SORCS2: variants seen among roughly 807,000 people sequenced by gnomAD.
The protein encoded by SORCS2 is VPS10 domain-containing receptor SorCS2.
Under a neutral mutation model 141.6 loss-of-function variants are expected in SORCS2, and 100 were observed. That is an observed-to-expected ratio of 0.71 (90% CI 0.60 to 0.83). SORCS2 has a LOEUF of 0.83. SORCS2 is among the 40% of genes least tolerant of loss of function. SORCS2 has a pLI of 0.00. For missense variants in SORCS2, 1,646 were observed against 1,560.2 expected (o/e 1.05, Z -0.93); for synonymous variants, 789 against 676.9 (o/e 1.17, Z -2.57).
At chr4:7,369,752 G>A (rs552171027) in intron 1 of SORCS2, among the ~76,000 whole-genome samples, 3 of 152,238 alleles carry the variant, frequency 2.0e-5, no homozygotes, top group East Asian at 3.9e-4. Flanking sequence ...CTCCCTCCCC[G>A]TGGAGCAGAT....
chr4:7,731,716 G>C (rs1357157431), intron 23 of SORCS2, among the ~76,000 whole-genome samples: 1 of 152,186 alleles, frequency 6.6e-6, no homozygotes, highest in Non-Finnish European at 1.5e-5. Flanking sequence ...ATGGAGAAAA[G>C]AGAATATCTC....
intron 1 of SORCS2, among the ~76,000 whole-genome samples, chr4:7,245,155 T>C (rs577226753): frequency 7.2e-4 from 110 of 152,302 alleles, no homozygotes; most frequent in Non-Finnish European, 1.1e-3. Context: ...CCCTGGAAGC[T>C]GCAGGAGCCT....
chr4:7,465,859 A>G lies in SORCS2; in HGVS notation c.549-65671A>G, dbSNP rs370419981. ...GGCTAAGTGTTTACAGGAGTAAACC[A>G]TGATGACCCTGGGAGGTGGGTTCTC... On this transcript the variant is annotated intron_variant, in intron 2 of 26. Transcript: ENST00000507866. Among the ~76,000 whole-genome samples the G allele has an allele frequency of 1.4e-4, 21 of 152,318 alleles. No individual in the cohort carries two copies. The East Asian group carries it at 3.9e-3, about 28-fold the overall frequency.
intron 8 of SORCS2, among the ~76,000 whole-genome samples, chr4:7,673,634 G>A (rs1722921766): frequency 6.6e-6 from 1 of 152,090 alleles, no homozygotes; most frequent in African/African-American, 2.4e-5. Context: ...CTCTCTAGGG[G>A]GCACCAGTCA....
chr4:7,334,263 C>A (rs1290080582), intron 1 of SORCS2, among the ~76,000 whole-genome samples: 2 of 152,174 alleles, frequency 1.3e-5, no homozygotes, highest in African/African-American at 4.8e-5. Context: ...TGCTCTCAGC[C>A]CCTTCCCGCA....
intron 4 of SORCS2, among the ~76,000 whole-genome samples, chr4:7,641,189 A>C (rs1720705866): frequency 6.6e-6 from 1 of 152,142 alleles, no homozygotes; most frequent in Non-Finnish European, 1.5e-5. Context: ...CCATTGTCAC[A>C]CTGCTATTAA....
At chr4:7,331,020 G>A in intron 1 of SORCS2, among the ~76,000 whole-genome samples, 1 of 152,122 alleles carries the variant, frequency 6.6e-6, no homozygotes, top group South Asian at 2.1e-4. Flanking sequence ...TCCAGGGTGA[G>A]GGCTCCAGGC....
At chr4:7,540,060 TG>T (rs1309374874) in intron 3 of SORCS2, among the ~76,000 whole-genome samples, 1 of 120,962 alleles carries the variant, frequency 8.3e-6, no homozygotes, top group African/African-American at 3.3e-5. Context: ...CTGCCTGTCG[TG>T]GAGGCCCCGC....
At chr4:7,568,648 A>C (rs1311822002) in intron 3 of SORCS2, among the ~76,000 whole-genome samples, 1 of 152,194 alleles carries the variant, frequency 6.6e-6, no homozygotes, top group Non-Finnish European at 1.5e-5. Context: ...CCTGACTGGT[A>C]ATTGGTGCAG....
intron 1 of SORCS2, among the ~76,000 whole-genome samples, chr4:7,326,968 G>C (rs113877028): frequency 8.5e-5 from 13 of 152,176 alleles, no homozygotes; most frequent in African/African-American, 3.1e-4. Context: ...CTGGTCACCC[G>C]TGGCTGAGGG....
intron 2 of SORCS2, among the ~76,000 whole-genome samples, chr4:7,476,071 G>T (rs1377047411): frequency 1.3e-5 from 2 of 152,182 alleles, no homozygotes; most frequent in African/African-American, 4.8e-5. Flanking sequence ...CTATACCCAG[G>T]CGCTTCTCTC....
intron 1 of SORCS2, among the ~76,000 whole-genome samples, chr4:7,324,654 C>A (rs557624450): frequency 1.8e-3 from 274 of 152,254 alleles, no homozygotes; most frequent in African/African-American, 6.2e-3. Context: ...CCAGGCCAGG[C>A]GATGGGCTTT....
intron 8 of SORCS2, among the ~76,000 whole-genome samples, chr4:7,669,962 A>T (rs1299766477): frequency 6.6e-6 from 1 of 152,236 alleles, no homozygotes; most frequent in African/African-American, 2.4e-5. Context: ...TTGCTTGGAC[A>T]TTTGGGTTGT....
intron 2 of SORCS2, among the ~76,000 whole-genome samples, chr4:7,428,148 C>T (rs1726585008): frequency 6.6e-6 from 1 of 152,172 alleles, no homozygotes; most frequent in Non-Finnish European, 1.5e-5. Context: ...CCTTGTTTTG[C>T]ACAGCGTCCC....
intron 4 of SORCS2, among the ~76,000 whole-genome samples, chr4:7,653,289 G>A (rs1371852956): frequency 6.6e-6 from 1 of 152,186 alleles, no homozygotes; most frequent in South Asian, 2.1e-4. Flanking sequence ...TGTTGCTAGG[G>A]CTGGAGTGCA....
chr4:7,538,797 G>C (rs1712338268), intron 3 of SORCS2, among the ~76,000 whole-genome samples: 1 of 152,170 alleles, frequency 6.6e-6, no homozygotes, highest in African/African-American at 2.4e-5. Flanking sequence ...TCTTCGTAGG[G>C]GAACTGCCAC....
intron 2 of SORCS2, among the ~76,000 whole-genome samples, chr4:7,436,061 G>C (rs1012502835): frequency 6.6e-6 from 1 of 152,260 alleles, no homozygotes; most frequent in Non-Finnish European, 1.5e-5. Context: ...CCTCCTGCTG[G>C]GTACAGGGGT....
chr4:7,461,280 C>T (rs754940775), intron 2 of SORCS2, among the ~76,000 whole-genome samples: 15 of 152,250 alleles, frequency 9.9e-5, no homozygotes, highest in Non-Finnish European at 1.8e-4. Context: ...GCTGTGGGGG[C>T]GTCTGCAGCC....
intron 1 of SORCS2, among the ~76,000 whole-genome samples, chr4:7,395,544 T>G (rs974338734): frequency 1.4e-4 from 22 of 152,212 alleles, no homozygotes; most frequent in Admixed American, 2.0e-4. Flanking sequence ...CCCCAACTTT[T>G]TTTGTTTACA....
Sources: allele counts gnomAD v4.1 joint callset (sites outside exome capture counted in the v4.1 genomes callset), GRCh38; gene constraint gnomAD v4.1.1; transcripts MANE v1.5; gene names NCBI Gene and HGNC (gene_info 2026-07-23, HGNC 2026-07-21).